Variants in CUX1 observed in about 807,000 individuals in gnomAD.
CUX1 encodes the protein protein CASP.
Under a neutral mutation model 158.8 loss-of-function variants are expected in CUX1, and 31 were observed. The ratio of observed to expected loss-of-function variants is 0.20; its 90% CI spans 0.15 to 0.26. The LOEUF is 0.26. Among genes scored for constraint, CUX1 ranks in the 10% least tolerant of loss-of-function variants. The pLI is 1.00. For synonymous variants in CUX1, 879 were observed against 862.1 expected (o/e 1.02, Z -0.34); for missense variants, 1,589 against 2,014.6 (o/e 0.79, Z 4.04).
rs1801165089 is a variant in CUX1 at position 102,248,981 on chromosome 7, G to A, written c.4457G>A (p.Ser1486Asn). The change falls in exon 24 of 24, where the codon AGC becomes AAC. Residue 1486 changes from serine (S) to asparagine (N), a missense_variant. This residue lies in a region of CUX1 where 344 missense variants were observed against 323.7 expected (regional missense o/e 1.06). Coordinates refer to ENST00000292535, the MANE Select transcript of CUX1 (RefSeq NM_181552.4). This position sits in a 1 kb window ranked among gnomAD's most constrained non-coding sequence, Gnocchi z 5.8. The part of the protein sequence containing the change: ...LRKKKAANLN[S>N]IIHRLEKAAS... ...AAGAAGAAGGCCGCGAACTTGAACA[G>A]CATCATCCACCGCCTGGAGAAGGCC... The A allele has an allele frequency of 2.1e-6, 3 of 1,447,838 alleles. No homozygotes were observed. Among genetic ancestry groups the A allele is most frequent in the Admixed American group, 4.8e-5 (2 of 41,778 alleles). 89.7% of individuals were successfully genotyped at this position (1,447,838 alleles called of 1,614,324 possible). A position where few individuals can be genotyped will look rare whatever the true frequency, so the allele number is the denominator to read the frequency against.
chr7:102,047,758 C>T (rs1323362373), intron 3 of CUX1, among the ~76,000 whole-genome samples: 1 of 152,090 alleles, frequency 6.6e-6, no homozygotes, highest in Non-Finnish European at 1.5e-5. Context: ...ATTTTATTTT[C>T]TGCAGATCTC....
intron 1 of CUX1, among the ~76,000 whole-genome samples, chr7:101,875,936 G>A (rs1799079784): frequency 6.6e-6 from 1 of 152,096 alleles, no homozygotes; most frequent in South Asian, 2.1e-4. Flanking sequence ...AGGGAGTAAA[G>A]ATGGCCATGA....
chr7:101,966,885 G>A (rs1361923726), intron 2 of CUX1, among the ~76,000 whole-genome samples: 1 of 152,180 alleles, frequency 6.6e-6, no homozygotes, highest in African/African-American at 2.4e-5. Context: ...AGAACAAGCA[G>A]GGGGCTTCTG....
intron 22 of CUX1, 126 bp from the exon 23 acceptor site, chr7:102,239,194 A>T: frequency 9.1e-7 from 1 of 1,102,428 alleles, no homozygotes; most frequent in Non-Finnish European, 1.3e-6. Flanking sequence ...GCCTCATCTT[A>T]GTGTTTTGAG....
intron 2 of CUX1, among the ~76,000 whole-genome samples, chr7:101,943,568 A>T (rs1486134476): frequency 6.6e-6 from 1 of 152,032 alleles, no homozygotes; most frequent in African/African-American, 2.4e-5. Context: ...TTTCAGTATC[A>T]CATATCATAT....
intron 1 of CUX1, among the ~76,000 whole-genome samples, chr7:101,821,117 T>A (rs1792426003): frequency 6.6e-6 from 1 of 152,166 alleles, no homozygotes; most frequent in South Asian, 2.1e-4. Flanking sequence ...TCTGCATTGT[T>A]ATATGACTTT....
intron 23 of CUX1, among the ~76,000 whole-genome samples, chr7:102,240,080 A>G (rs1800026665): frequency 6.6e-6 from 1 of 151,986 alleles, no homozygotes; most frequent in Admixed American, 6.6e-5. Flanking sequence ...TTTTAACTGC[A>G]GAGATGTAAG....
intron 2 of CUX1, among the ~76,000 whole-genome samples, chr7:101,950,428 TGTA>T (rs894076219): frequency 9.8e-5 from 15 of 152,306 alleles, no homozygotes; most frequent in African/African-American, 1.9e-4. Flanking sequence ...AAAAAAAAAT[TGTA>T]GTAAAATACA....
At chr7:101,841,978 C>T (rs1795233809) in intron 1 of CUX1, among the ~76,000 whole-genome samples, 2 of 152,150 alleles carry the variant, frequency 1.3e-5, no homozygotes, top group African/African-American at 4.8e-5. Context: ...ACATGTAGTG[C>T]TTTCATTTTT....
At chr7:101,855,861 G>A (rs118116599) in intron 1 of CUX1, among the ~76,000 whole-genome samples, 5,133 of 118,210 alleles carry the variant, frequency 0.043, 145 homozygotes, top group Middle Eastern at 0.082. Context: ...CTGGGCGGTA[G>A]AAGGAGTTTC....
At chr7:102,100,163 AG>A (rs1829630019) in intron 5 of CUX1, among the ~76,000 whole-genome samples, 1 of 152,124 alleles carries the variant, frequency 6.6e-6, no homozygotes, top group Non-Finnish European at 1.5e-5. Flanking sequence ...CTGTAATCCC[AG>A]CTACTCAGAA....
At chr7:102,235,131 A>G (rs764117623) in intron 22 of CUX1, among the ~76,000 whole-genome samples, 17 of 152,176 alleles carry the variant, frequency 1.1e-4, no homozygotes, top group Non-Finnish European at 1.8e-4. Flanking sequence ...ATGTGGATTC[A>G]TGTTCTTCTT....
At chr7:101,863,381 CCTT>C (rs931537981) in intron 1 of CUX1, among the ~76,000 whole-genome samples, 1 of 147,140 alleles carries the variant, frequency 6.8e-6, no homozygotes, top group African/African-American at 2.5e-5. Flanking sequence ...GATGGAGTCT[CCTT>C]CTGTCGCCCA....
chr7:102,212,805 C>T (rs962314898), intron 20 of CUX1, among the ~76,000 whole-genome samples: 6 of 152,148 alleles, frequency 3.9e-5, no homozygotes, highest in African/African-American at 9.7e-5. Flanking sequence ...AGTAACACAC[C>T]GTGGAGACCT....
At chr7:102,087,540 G>C (rs1290856155) in intron 4 of CUX1, among the ~76,000 whole-genome samples, 3 of 152,026 alleles carry the variant, frequency 2.0e-5, no homozygotes, top group African/African-American at 7.3e-5. Context: ...AGTTCGTGCC[G>C]TTGCATTCCA....
intron 3 of CUX1, among the ~76,000 whole-genome samples, chr7:102,070,036 C>T (rs1241439928): frequency 6.6e-6 from 1 of 152,196 alleles, no homozygotes; most frequent in African/African-American, 2.4e-5. Context: ...GCTCTTAAGT[C>T]AGCATTTGGA....
At chr7:101,822,512 T>C (rs1401143294) in intron 1 of CUX1, 1 of 152,172 alleles carries the variant, frequency 6.6e-6, no homozygotes, top group Non-Finnish European at 1.5e-5. Flanking sequence ...CTGAAACAGC[T>C]TTGAAGCACC....
intron 1 of CUX1, among the ~76,000 whole-genome samples, chr7:101,871,805 G>C (rs1404814497): frequency 6.6e-6 from 1 of 152,120 alleles, no homozygotes; most frequent in African/African-American, 2.4e-5. Flanking sequence ...ATCACCTGAG[G>C]TCAGGAGTTC....
chr7:102,057,068 A>AT (rs1824242861), intron 3 of CUX1, among the ~76,000 whole-genome samples: 1 of 150,306 alleles, frequency 6.7e-6, no homozygotes, highest in African/African-American at 2.5e-5. Flanking sequence ...CGCCTGGCTA[A>AT]TTTTTTGTAT....
Sources: gnomAD v4.1 joint callset for allele counts (sites outside exome capture counted in the v4.1 genomes callset) on GRCh38, gnomAD v4.1.1 for gene constraint, gnomAD v4.1.1 regional missense constraint, Gnocchi (gnomAD v3.1) non-coding constraint, MANE v1.5 for transcripts, NCBI Gene and HGNC (gene_info 2026-07-23, HGNC 2026-07-21) for gene names.